Variants in CBR4 observed in about 807,000 individuals in gnomAD.
The protein encoded by CBR4 is 3-oxoacyl-[acyl-carrier-protein] reductase.
Under a neutral mutation model 21.0 loss-of-function variants are expected in CBR4, and 22 were observed. That is an observed-to-expected ratio of 1.05 (90% CI 0.75 to 1.50). CBR4 has a LOEUF of 1.50. Ranked by LOEUF, CBR4 falls within the 40% of genes most tolerant of loss-of-function variation. The pLI is 0.00. For missense variants in CBR4, 302 were observed against 286.3 expected (o/e 1.05, Z -0.40); for synonymous variants, 100 against 104.4 (o/e 0.96, Z 0.26).
At chr4:168,994,745 A>ATTTTT (rs5863973) in intron 4 of CBR4, among the ~76,000 whole-genome samples, 7 of 48,784 alleles carry the variant, frequency 1.4e-4, no homozygotes, top group African/African-American at 3.0e-4. Flanking sequence ...CGCCTGGCTA[A>ATTTTT]TTTTTTTTTT....
At chr4:168,969,527 C>T (rs1359527438) in intron 2 of CBR4, among the ~76,000 whole-genome samples, 1 of 152,122 alleles carries the variant, frequency 6.6e-6, no homozygotes, top group Admixed American at 6.5e-5. Flanking sequence ...TTTTTTCTAG[C>T]TGGTCAGAAA....
At chr4:168,994,724 G>A (rs945746991) in intron 4 of CBR4, among the ~76,000 whole-genome samples, 7 of 145,754 alleles carry the variant, frequency 4.8e-5, no homozygotes, top group South Asian at 2.2e-4. Flanking sequence ...GACAACAGGC[G>A]CCTACCACCA....
chr4:168,971,119 T>C (rs530337025), intron 2 of CBR4, among the ~76,000 whole-genome samples: 3 of 152,200 alleles, frequency 2.0e-5, no homozygotes, highest in Non-Finnish European at 4.4e-5. Context: ...TTTCACCATA[T>C]CTATGCCAAC....
intron 2 of CBR4, among the ~76,000 whole-genome samples, chr4:168,949,439 G>A (rs1397756500): frequency 1.3e-5 from 2 of 152,124 alleles, no homozygotes; most frequent in African/African-American, 2.4e-5. Context: ...TCCTTGTCTT[G>A]TTCCAGTTCT....
At chr4:169,000,975 T>C (rs1730382065) in intron 4 of CBR4, among the ~76,000 whole-genome samples, 1 of 152,092 alleles carries the variant, frequency 6.6e-6, no homozygotes, top group Non-Finnish European at 1.5e-5. Context: ...AAAAGAATTT[T>C]TTTTTTAATT....
intron 4 of CBR4, among the ~76,000 whole-genome samples, chr4:168,998,643 T>C (rs574747279): frequency 4.7e-4 from 72 of 152,256 alleles, no homozygotes; most frequent in South Asian, 2.5e-3. Context: ...AACCACTGAA[T>C]TGACTGAATT....
At chr4:168,933,806 CAA>C (rs1763030510) in intron 2 of CBR4, among the ~76,000 whole-genome samples, 1 of 152,098 alleles carries the variant, frequency 6.6e-6, no homozygotes, top group South Asian at 2.1e-4. Context: ...GAAATCATAT[CAA>C]GTGTCCTATC....
chr4:169,006,666 T>G (rs1243714527), intron 3 of CBR4, 89 bp downstream of exon 3: 1 of 1,182,530 alleles, frequency 8.5e-7, no homozygotes, highest in Admixed American at 2.2e-5. Context: ...TTCATTCATG[T>G]TTCACAATAA....
At chr4:168,934,282 C>CAAAAAAAAAAAAAAAAAAAAA (rs60538970) in intron 2 of CBR4, among the ~76,000 whole-genome samples, 9 of 18,198 alleles carry the variant, frequency 4.9e-4, no homozygotes, top group African/African-American at 1.7e-3. Flanking sequence ...GCAAAAAAAA[C>CAAAAAAAAAAAAAAAAAAAAA]AAAAAAAAAA....
chr4:168,993,230 AG>A (rs1765011516), intron 4 of CBR4, among the ~76,000 whole-genome samples: 1 of 120,038 alleles, frequency 8.3e-6, no homozygotes, highest in South Asian at 2.6e-4. Context: ...TTTTTTTTTG[AG>A]ACAAGAGTCT....
chr4:168,927,520 T>C, intron 2 of CBR4: 1 of 231,756 alleles, frequency 4.3e-6, no homozygotes, highest in Non-Finnish European at 8.5e-6. Flanking sequence ...AAATGAGAAA[T>C]TGCCTGTAGC....
intron 3 of CBR4, among the ~76,000 whole-genome samples, chr4:169,005,606 C>T (rs555702110): frequency 1.1e-4 from 16 of 152,104 alleles, no homozygotes; most frequent in African/African-American, 2.2e-4. Context: ...ACAAATATAC[C>T]TCAGGTTATC....
Position 168,988,722 on chromosome 4 carries a change from A to G in CBR4, c.*1428T>C. 1.0e-6 allele frequency: 1 copy of G among 972,278 alleles called. No homozygotes were observed. The highest frequency in any genetic ancestry group is 1.2e-6 in the Non-Finnish European group (1 of 817,900). 60.2% of individuals were successfully genotyped at this position (972,278 alleles called of 1,614,324 possible). On this transcript the variant is annotated 3_prime_UTR_variant, in exon 5 of 5. Coordinates refer to ENST00000306193, the MANE Select transcript of CBR4 (RefSeq NM_032783.5). ...TACTAACTTTACTCACACTTAATTGACTTTCTCATATCCTGAGATTAATCT... is the reference window on the plus strand; with the variant it reads ...TACTAACTTTACTCACACTTAATTGGCTTTCTCATATCCTGAGATTAATCT...
intron 4 of CBR4, among the ~76,000 whole-genome samples, chr4:168,990,859 C>T (rs955580399): frequency 3.3e-5 from 5 of 151,976 alleles, no homozygotes; most frequent in Admixed American, 6.6e-5. Flanking sequence ...TCGAGACCAG[C>T]CTGCCCAACA....
In CBR4 at chr4:168,915,949, ATTC is replaced by A; in HGVS notation, n.170-21187_170-21185del. 1 of 1,613,428 alleles carries A rather than the reference ATTC, an allele frequency of 6.2e-7. No homozygotes were observed. The highest frequency in any genetic ancestry group is 8.5e-7 in the Non-Finnish European group (1 of 1,179,302). On this transcript the variant is annotated intron_variant and non_coding_transcript_variant, in intron 2 of 3. Transcript: ENST00000509108. ...ACGAAAATGAACCAATTCAGGAGCG[ATTC>A]TTCAGACCTCACTTCTTGCAGGCTC... is the stretch of plus-strand genomic sequence containing the variant.
intron 3 of CBR4, among the ~76,000 whole-genome samples, chr4:169,004,102 A>G (rs1730691790): frequency 6.6e-6 from 1 of 152,092 alleles, no homozygotes; most frequent in African/African-American, 2.4e-5. Flanking sequence ...AACAATAATA[A>G]AATAAAAAAA....
chr4:168,904,591 A>C (rs1757230803), intron 2 of CBR4, among the ~76,000 whole-genome samples: 1 of 152,136 alleles, frequency 6.6e-6, no homozygotes, highest in Non-Finnish European at 1.5e-5. Flanking sequence ...ATGAGTAAAA[A>C]GTTATTTTGT....
chr4:168,917,893 A>G (rs1760527834), intron 2 of CBR4, among the ~76,000 whole-genome samples: 2 of 152,164 alleles, frequency 1.3e-5, no homozygotes, highest in South Asian at 4.1e-4. Flanking sequence ...ACTAGTGCTT[A>G]TATATCCGAG....
intron 2 of CBR4, chr4:168,913,989 C>T: frequency 3.7e-6 from 6 of 1,611,920 alleles, no homozygotes; most frequent in Non-Finnish European, 5.1e-6. Flanking sequence ...GTCGAAGTCC[C>T]CGGTCTCCCT....
Sources: allele counts gnomAD v4.1 joint callset (sites outside exome capture counted in the v4.1 genomes callset), GRCh38; gene constraint gnomAD v4.1.1; transcripts MANE v1.5; gene names NCBI Gene and HGNC (gene_info 2026-07-23, HGNC 2026-07-21).